FBN2: variants seen among roughly 807,000 people sequenced by gnomAD.
The protein encoded by FBN2 is fibrillin 2, also known as fibrillin-2.
A neutral mutation model predicts 355.6 loss-of-function variants in FBN2; 105 were observed. The observed-to-expected ratio is 0.30, with a 90% CI of 0.25 to 0.35. FBN2 has a LOEUF of 0.35. Among genes scored for constraint, FBN2 ranks in the 10% least tolerant of loss-of-function variants. The pLI is 1.00. For missense variants in FBN2, 3,280 were observed against 3,758.7 expected (o/e 0.87, Z 3.33); for synonymous variants, 1,350 against 1,301.2 (o/e 1.04, Z -0.81).
At chr5:128,291,364 T>C (rs1749316788) in intron 49 of FBN2, among the ~76,000 whole-genome samples, 165 bp downstream of exon 49, 1 of 152,146 alleles carries the variant, frequency 6.6e-6, no homozygotes, top group African/African-American at 2.4e-5. Flanking sequence ...CAAAGTACCT[T>C]AAAAATTGTT....
chr5:128,326,228 G>A (rs1750542098), intron 34 of FBN2, among the ~76,000 whole-genome samples: 1 of 152,144 alleles, frequency 6.6e-6, no homozygotes, highest in South Asian at 2.1e-4. Context: ...AGAGCTTTAT[G>A]TGGAAGATAG....
intron 15 of FBN2, among the ~76,000 whole-genome samples, chr5:128,370,071 G>A (rs929410079): frequency 1.3e-5 from 2 of 152,146 alleles, no homozygotes; most frequent in Non-Finnish European, 2.9e-5. Flanking sequence ...TTGGGGTTCA[G>A]ACAAGGTTTA....
At chr5:128,420,691 A>G (rs2127015661) in intron 7 of FBN2, among the ~76,000 whole-genome samples, 1 of 152,354 alleles carries the variant, frequency 6.6e-6, no homozygotes, top group South Asian at 2.1e-4. Context: ...AAAAGAAACA[A>G]TAGTTAATGA....
chr5:128,284,211 T>C (rs1749069507), intron 55 of FBN2, among the ~76,000 whole-genome samples: 1 of 152,208 alleles, frequency 6.6e-6, no homozygotes, highest in Non-Finnish European at 1.5e-5. Flanking sequence ...TGTGAATTTT[T>C]TAATTTAACC....
In FBN2 at chr5:128,312,692, G is replaced by A; in HGVS notation, c.4821C>T (p.Cys1607=). ...IGVGVSRSSC[C]CSLGKAWGNP... is the part of the protein sequence containing the mutation. ...TTCCCCAGGCCTTTCCCAGAGAGCA[G>A]CAGCATGAAGAGCGACTGACGCCCA... The change falls in exon 37 of 65, where the codon TGC becomes TGT. Residue 1607 remains cysteine, a synonymous_variant. Transcript: ENST00000262464. The A allele has an allele frequency of 6.2e-7, 1 of 1,613,924 alleles. No individual in the cohort carries two copies. Among genetic ancestry groups the A allele is most frequent in the Non-Finnish European group, 8.5e-7 (1 of 1,179,998 alleles).
chr5:128,286,883 G>T, intron 54 of FBN2, 34 bp from the exon 55 acceptor site: 1 of 1,605,358 alleles, frequency 6.2e-7, no homozygotes, highest in African/African-American at 1.3e-5. Context: ...AAATTATCTG[G>T]AGCAAGCTGT....
intron 17 of FBN2, among the ~76,000 whole-genome samples, chr5:128,365,539 A>G (rs2126941929): frequency 6.6e-6 from 1 of 152,156 alleles, no homozygotes; most frequent in South Asian, 2.1e-4. Context: ...TCCTTTTAAA[A>G]GTTTACTTTT....
At chr5:128,353,854 C>T (rs1366409446) in intron 20 of FBN2, among the ~76,000 whole-genome samples, 5 of 152,152 alleles carry the variant, frequency 3.3e-5, no homozygotes, top group African/African-American at 4.8e-5. Context: ...GACTCCAAAG[C>T]CCTCACTCTG....
intron 5 of FBN2, among the ~76,000 whole-genome samples, chr5:128,466,693 A>G (rs906944050): frequency 2.2e-4 from 34 of 152,186 alleles, no homozygotes; most frequent in Admixed American, 2.2e-3. Context: ...TAACATTGTT[A>G]CTCTGCAGCT....
At chr5:128,503,118 C>T (rs1172322051) in intron 5 of FBN2, among the ~76,000 whole-genome samples, 1 of 152,160 alleles carries the variant, frequency 6.6e-6, no homozygotes, top group Admixed American at 6.5e-5. Context: ...GAATAAATCT[C>T]AGGAGATCTG....
intron 37 of FBN2, among the ~76,000 whole-genome samples, chr5:128,312,269 T>C (rs1750077282): frequency 6.6e-6 from 1 of 152,194 alleles, no homozygotes; most frequent in Admixed American, 6.5e-5. Flanking sequence ...GATGTTTCAA[T>C]TTAAGGCATT....
Position 128,491,687 on chromosome 5 carries a change from A to G in FBN2, c.629-26766T>C, listed in dbSNP as rs1419643402. On this transcript the variant is annotated intron_variant, in intron 5 of 64. Transcript: ENST00000262464. Reference sequence around the variant, plus strand: ...AGAGGGTAATTTTCTCATGTTAAGCATAAAGAGGAAAAATGCAACAACAAA... The same window carrying G: ...AGAGGGTAATTTTCTCATGTTAAGCGTAAAGAGGAAAAATGCAACAACAAA... Among the ~76,000 whole-genome samples, 10 of 152,354 alleles carry G rather than the reference A, an allele frequency of 6.6e-5. No homozygotes were observed. The South Asian group carries it at 1.9e-3, about 28-fold the overall frequency.
At chr5:128,374,377 C>G (rs897185338) in intron 15 of FBN2, among the ~76,000 whole-genome samples, 1 of 152,048 alleles carries the variant, frequency 6.6e-6, no homozygotes, top group African/African-American at 2.4e-5. Context: ...CCCCCATCCT[C>G]TCTGTCCTAA....
Position 128,475,574 on chromosome 5 carries a change from A to C in FBN2, c.629-10653T>G, listed in dbSNP as rs2127099852. Among the ~76,000 whole-genome samples, 2 of 152,316 alleles carry C rather than the reference A, an allele frequency of 1.3e-5. 1 individual carries two copies. The highest frequency in any genetic ancestry group is 2.9e-5 in the Non-Finnish European group (2 of 68,024). ...AAGTAATAAAGATGTAATTGGAAAA[A>C]ATATCCTAAGTTTAAATGAAAAATA... On this transcript the variant is annotated intron_variant, in intron 5 of 64. Transcript: ENST00000262464.
intron 6 of FBN2, among the ~76,000 whole-genome samples, chr5:128,454,202 A>G (rs1451468985): frequency 6.6e-6 from 1 of 152,168 alleles, no homozygotes; most frequent in Non-Finnish European, 1.5e-5. Flanking sequence ...CAACAGCTAC[A>G]TGTGCTCATC....
In FBN2 at chr5:128,401,758, T is replaced by C. The variant is rs184338803; in HGVS notation, c.1079-6484A>G. Among the ~76,000 whole-genome samples the C allele has an allele frequency of 7.0e-4, 106 of 152,160 alleles. 1 individual carries two copies. Among genetic ancestry groups the C allele is most frequent in the Non-Finnish European group, 1.2e-3 (79 of 67,990 alleles). On this transcript the variant is annotated intron_variant, in intron 8 of 64. Coordinates refer to ENST00000262464, the MANE Select transcript of FBN2 (RefSeq NM_001999.4). ...ATCACGCCACTGCACTCCAGCCTGG[T>C]GACAAAGCAAGATTCCGTCTCAAAG...
At chr5:128,359,904 T>A (rs1390070857) in intron 19 of FBN2, among the ~76,000 whole-genome samples, 3 of 152,132 alleles carry the variant, frequency 2.0e-5, no homozygotes, top group Non-Finnish European at 4.4e-5. Context: ...TAATCATTGA[T>A]AATTCAGTGT....
chr5:128,310,402 ATTTTTTTTTTT>A (rs199690802), intron 39 of FBN2, among the ~76,000 whole-genome samples: 10 of 23,300 alleles, frequency 4.3e-4, no homozygotes, highest in East Asian at 4.6e-3. Context: ...ATATATATAT[ATTTTTTTTTTT>A]TTTTTTTTAT....
intron 7 of FBN2, among the ~76,000 whole-genome samples, chr5:128,430,597 A>G (rs1220068579): frequency 6.6e-6 from 1 of 152,172 alleles, no homozygotes; most frequent in Non-Finnish European, 1.5e-5. Flanking sequence ...TAATCTCAGT[A>G]CTTTGGGAGG....
Sources: gnomAD v4.1 joint callset for allele counts (sites outside exome capture counted in the v4.1 genomes callset) on GRCh38, gnomAD v4.1.1 for gene constraint, MANE v1.5 for transcripts, NCBI Gene and HGNC (gene_info 2026-07-23, HGNC 2026-07-21) for gene names.